Variants in DENND1A observed in about 807,000 individuals in gnomAD.
The protein encoded by DENND1A is DENN domain containing 1A.
In DENND1A, 51 loss-of-function variants were observed where a neutral mutation model predicts 113.7. The ratio of observed to expected loss-of-function variants is 0.45; its 90% confidence interval spans 0.36 to 0.57. The LOEUF is 0.57. Among genes scored for constraint, DENND1A ranks in the 20% least tolerant of loss-of-function variants. DENND1A has a pLI of 0.00. For missense variants in DENND1A, 1,258 were observed against 1,395.9 expected, an observed-to-expected ratio of 0.90 and a Z score of 1.57; for synonymous variants, 565 against 570.8, an observed-to-expected ratio of 0.99 and a Z score of 0.14.
rs1841573626 is a variant in DENND1A at position 123,839,869 on chromosome 9, CTA to C, written c.88+39080_88+39081del. Among the ~76,000 whole-genome samples, 3 of 152,208 alleles carry C rather than the reference CTA, an allele frequency of 2.0e-5. No individual in the cohort carries two copies. In the East Asian group the frequency reaches 5.8e-4, roughly 29 times the overall value. Reference sequence around the variant, plus strand: ...TACCACCTATGAATTATTTCTGAAGCTAAGCAGTAGAATTGAATTTAAATCCA... The same window carrying C: ...TACCACCTATGAATTATTTCTGAAGCAGCAGTAGAATTGAATTTAAATCCA... On this transcript the variant is annotated intron_variant, in intron 2 of 23. Coordinates refer to ENST00000394215, the MANE Select transcript of DENND1A (RefSeq NM_001352964.2).
At chr9:123,661,264 C>A (rs534326081) in intron 8 of DENND1A, among the ~76,000 whole-genome samples, 3 of 152,218 alleles carry the variant, frequency 2.0e-5, no homozygotes, top group Middle Eastern at 3.2e-3. Context: ...GACTTTCCCA[C>A]ACCTCTCCAG....
chr9:123,579,037 G>C (rs571882577), intron 12 of DENND1A, among the ~76,000 whole-genome samples: 2 of 152,296 alleles, frequency 1.3e-5, no homozygotes, highest in South Asian at 4.1e-4. Flanking sequence ...CTACAGTACA[G>C]AGTTTAAAGC....
intron 5 of DENND1A, among the ~76,000 whole-genome samples, chr9:123,682,659 C>T (rs2064545921): frequency 6.6e-6 from 1 of 152,152 alleles, no homozygotes; most frequent in South Asian, 2.1e-4. Context: ...TCTGGTAACC[C>T]CGAGTTTGAA....
chr9:123,402,498 C>G (rs1284549938), intron 21 of DENND1A: 1 of 534,660 alleles, frequency 1.9e-6, no homozygotes, highest in African/African-American at 1.9e-5. Flanking sequence ...TTTCTGAGAG[C>G]CAGACAGACA....
At chr9:123,467,152 GT>G (rs2049027047) in intron 13 of DENND1A, among the ~76,000 whole-genome samples, 1 of 152,236 alleles carries the variant, frequency 6.6e-6, no homozygotes, top group Non-Finnish European at 1.5e-5. Context: ...CTAATGGAAA[GT>G]GTGGCCTCTT....
At chr9:123,457,042 A>C (rs2132903183) in intron 15 of DENND1A, 1 of 254,262 alleles carries the variant, frequency 3.9e-6, no homozygotes, top group Non-Finnish European at 7.6e-6. Flanking sequence ...CAGAGTCCTA[A>C]CTTGAATCCA....
At chr9:123,420,890 G>C (rs1588445132) in intron 19 of DENND1A, among the ~76,000 whole-genome samples, 3 of 151,260 alleles carry the variant, frequency 2.0e-5, no homozygotes, top group African/African-American at 7.3e-5. Flanking sequence ...GTGGGGCAGG[G>C]GGAGGGGAGC....
In DENND1A at chr9:123,391,799, A is replaced by G. The variant is rs2042862535; in HGVS notation, c.1632-3941T>C. On this transcript the variant is annotated intron_variant, in intron 21 of 23. Transcript: ENST00000394215. ...AAAAAAAGCACCTTTTCCCTCATTA[A>G]CCCAATTCAGCTACTCCCCTGCGGT... Among the ~76,000 whole-genome samples, 6 of 146,092 alleles carry G rather than the reference A, an allele frequency of 4.1e-5. No individual in the cohort carries two copies. The Admixed American group carries it at 4.1e-4, about 10-fold the overall frequency.
In DENND1A at chr9:123,381,546, G is replaced by A. The variant is rs747915223; in HGVS notation, c.3099C>T (p.Asp1033=). 2 of 1,613,806 alleles carry A rather than the reference G, an allele frequency of 1.2e-6. No homozygotes were observed. The highest frequency in any genetic ancestry group is 8.5e-7 in the Non-Finnish European group (1 of 1,179,986). The change falls in exon 24 of 24, where the codon GAC becomes GAT. Residue 1033 remains aspartate, a synonymous_variant. Transcript: ENST00000394215. The surrounding 1 kb of genome is among the most constrained non-coding windows in gnomAD (Gnocchi z 4.7). The stretch of plus-strand genomic sequence containing the variant: ...TTTTCTGTAACAAATCCTCAAAGGG[G>A]TCTCTGGCCTGTTGAGGAGCAGAGG... ...LQPSAPQQAR[D]PFEDLLQKTK...
At chr9:123,669,411 G>A (rs2063651963) in intron 7 of DENND1A, among the ~76,000 whole-genome samples, 1 of 152,204 alleles carries the variant, frequency 6.6e-6, no homozygotes, top group African/African-American at 2.4e-5. Flanking sequence ...TTGAGATTCT[G>A]TCTTGCTCCA....
chr9:123,711,133 G>A (rs2066558336), intron 5 of DENND1A, among the ~76,000 whole-genome samples: 1 of 151,964 alleles, frequency 6.6e-6, no homozygotes, highest in Admixed American at 6.6e-5. Flanking sequence ...AAAACCTCAT[G>A]CTACACAGTA....
chr9:123,651,660 C>G (rs1274583323), intron 9 of DENND1A, among the ~76,000 whole-genome samples: 3 of 152,148 alleles, frequency 2.0e-5, no homozygotes, highest in Admixed American at 6.5e-5. Flanking sequence ...TCATAATGAA[C>G]AACCTAAATG....
intron 13 of DENND1A, among the ~76,000 whole-genome samples, chr9:123,498,722 T>C (rs1564604590): frequency 7.0e-6 from 1 of 143,136 alleles, no homozygotes; most frequent in African/African-American, 2.7e-5. Context: ...AGTCTCTCTC[T>C]CTCTTTTTTT....
intron 3 of DENND1A, among the ~76,000 whole-genome samples, chr9:123,784,952 G>A (rs985842301): frequency 1.3e-5 from 2 of 152,066 alleles, no homozygotes; most frequent in African/African-American, 2.4e-5. Flanking sequence ...ATATACTTTC[G>A]TTAAGATGTC....
chr9:123,628,866 G>A (rs536936470), intron 10 of DENND1A, among the ~76,000 whole-genome samples: 4 of 152,334 alleles, frequency 2.6e-5, no homozygotes, highest in Admixed American at 2.6e-4. Context: ...AATCTCATAA[G>A]AGGTGGGAGA....
At chr9:123,475,139 C>A (rs2049798406) in intron 13 of DENND1A, among the ~76,000 whole-genome samples, 1 of 152,136 alleles carries the variant, frequency 6.6e-6, no homozygotes, top group Non-Finnish European at 1.5e-5. Context: ...CTGCCTCAGT[C>A]TCCTGAGTAG....
intron 1 of DENND1A, among the ~76,000 whole-genome samples, chr9:123,924,425 T>G (rs1856751922): frequency 6.6e-6 from 1 of 152,136 alleles, no homozygotes; most frequent in African/African-American, 2.4e-5. Flanking sequence ...TCCCAGCACT[T>G]TGGGAGGCCA....
At chr9:123,383,089 G>A (rs2042365911) in intron 23 of DENND1A, among the ~76,000 whole-genome samples, 1 of 152,190 alleles carries the variant, frequency 6.6e-6, no homozygotes, top group Non-Finnish European at 1.5e-5. Flanking sequence ...CTTTCTCCTG[G>A]CCCAGGTCCT....
chr9:123,389,934 C>G (rs746961650), intron 21 of DENND1A, among the ~76,000 whole-genome samples: 1 of 152,206 alleles, frequency 6.6e-6, no homozygotes, highest in African/African-American at 2.4e-5. Context: ...GCTCTACCTA[C>G]CTCTGTGGCC....
Sources: gnomAD v4.1 joint callset for allele counts (sites outside exome capture counted in the v4.1 genomes callset) on GRCh38, gnomAD v4.1.1 for gene constraint, Gnocchi (gnomAD v3.1) non-coding constraint, MANE v1.5 for transcripts, NCBI Gene and HGNC (gene_info 2026-07-23, HGNC 2026-07-21) for gene names.